Variants in GUCY1A2 observed in about 807,000 individuals in gnomAD.
The protein encoded by GUCY1A2 is guanylate cyclase soluble subunit alpha-2.
In GUCY1A2, 27 loss-of-function variants were observed where a neutral mutation model predicts 63.5. The observed-to-expected ratio is 0.43, with a 90% CI of 0.31 to 0.59. GUCY1A2 has a LOEUF of 0.59. GUCY1A2 is among the 20% of genes least tolerant of loss of function. The pLI is 0.11. For missense variants in GUCY1A2, 768 were observed against 913.3 expected (o/e 0.84, Z 2.05); for synonymous variants, 364 against 343.5 (o/e 1.06, Z -0.66).
At chr11:106,959,074 G>A (rs901697879) in intron 3 of GUCY1A2, among the ~76,000 whole-genome samples, 1 of 152,132 alleles carries the variant, frequency 6.6e-6, no homozygotes, top group African/African-American at 2.4e-5. Flanking sequence ...CATGCCAAGC[G>A]GAGCAACTAT....
At chr11:106,714,130 T>C (rs981859455) in intron 6 of GUCY1A2, among the ~76,000 whole-genome samples, 3 of 152,008 alleles carry the variant, frequency 2.0e-5, no homozygotes, top group African/African-American at 7.2e-5. Context: ...TTCAGCCTAA[T>C]TTTTAGAATT....
intron 3 of GUCY1A2, among the ~76,000 whole-genome samples, chr11:106,966,040 A>G (rs1861122681): frequency 6.6e-6 from 1 of 152,090 alleles, no homozygotes; most frequent in Non-Finnish European, 1.5e-5. Context: ...ATTTAAGAAT[A>G]TTATCGTTAA....
chr11:106,680,223 G>C lies in GUCY1A2; in HGVS notation c.*7326C>G, dbSNP rs905481155. 4.7e-6 allele frequency: 1 copy of C among 212,138 alleles called. No individual in the cohort carries two copies. The highest frequency in any genetic ancestry group is 2.3e-5 in the African/African-American group (1 of 44,140). 13.1% of individuals were successfully genotyped at this position (212,138 alleles called of 1,614,324 possible). On this transcript the variant is annotated 3_prime_UTR_variant, in exon 8 of 8. Coordinates refer to ENST00000526355, the MANE Select transcript of GUCY1A2 (RefSeq NM_000855.3). ...ATGCAAAGAAGTGTCTTCAGAAAGT[G>C]AGGTATGAAGAAACAATTTTGCACA...
intron 1 of GUCY1A2, among the ~76,000 whole-genome samples, chr11:106,997,619 C>CAAGATAGGGAA (rs1861556969): frequency 6.9e-4 from 2 of 2,900 alleles, no homozygotes; most frequent in Admixed American, 7.4e-3. Context: ...GATAGGGAAC[C>CAAGATAGGGAA]CCCCCCCCCC....
intron 6 of GUCY1A2, among the ~76,000 whole-genome samples, chr11:106,768,265 G>T (rs1591268293): frequency 6.6e-6 from 1 of 152,034 alleles, no homozygotes; most frequent in Admixed American, 6.6e-5. Flanking sequence ...TGGGACTACA[G>T]GTATGCCCCC....
chr11:106,946,990 G>C (rs533825812), intron 3 of GUCY1A2, among the ~76,000 whole-genome samples: 1 of 152,022 alleles, frequency 6.6e-6, no homozygotes, highest in Non-Finnish European at 1.5e-5. Context: ...AGGCCGAGGC[G>C]GGTGGATAAT....
intron 4 of GUCY1A2, among the ~76,000 whole-genome samples, chr11:106,915,641 C>T (rs1307833130): frequency 6.9e-6 from 1 of 145,022 alleles, no homozygotes; most frequent in African/African-American, 2.5e-5. Context: ...GCTGTAAATT[C>T]AGTAGTCACT....
At chr11:106,688,704 A>T (rs1049161309) in intron 7 of GUCY1A2, among the ~76,000 whole-genome samples, 3 of 152,324 alleles carry the variant, frequency 2.0e-5, no homozygotes, top group South Asian at 2.1e-4. Context: ...CCATCAGAAA[A>T]GTAGACACGA....
At chr11:106,744,244 C>CTTT (rs5794491) in intron 6 of GUCY1A2, among the ~76,000 whole-genome samples, 57 of 112,654 alleles carry the variant, frequency 5.1e-4, no homozygotes, top group African/African-American at 8.6e-4. Flanking sequence ...AACATAAATG[C>CTTT]TTTTTTTTTT....
intron 4 of GUCY1A2, among the ~76,000 whole-genome samples, chr11:106,823,171 G>A (rs1228138263): frequency 2.6e-5 from 4 of 152,058 alleles, no homozygotes; most frequent in Admixed American, 6.6e-5. Flanking sequence ...TGAGGATTGG[G>A]CTTCTGGTGT....
intron 4 of GUCY1A2, among the ~76,000 whole-genome samples, chr11:106,864,813 T>A (rs745593337): frequency 1.9e-4 from 29 of 152,090 alleles, no homozygotes; most frequent in Non-Finnish European, 3.1e-4. Context: ...CTGGATTCGG[T>A]TTGCCAGTAT....
intron 6 of GUCY1A2, among the ~76,000 whole-genome samples, chr11:106,731,798 T>C (rs565200807): frequency 6.6e-6 from 1 of 151,730 alleles, no homozygotes; most frequent in Admixed American, 6.6e-5. Flanking sequence ...AGCCACCAAA[T>C]AAATAAATAA....
At chr11:106,791,700 CT>C (rs1419714867) in intron 5 of GUCY1A2, among the ~76,000 whole-genome samples, 3 of 152,274 alleles carry the variant, frequency 2.0e-5, no homozygotes, top group South Asian at 4.1e-4. Context: ...AAGGCCTCCC[CT>C]AGTCCCTCTT....
At chr11:106,819,071 C>T (rs561249609) in intron 4 of GUCY1A2, among the ~76,000 whole-genome samples, 124 of 152,202 alleles carry the variant, frequency 8.1e-4, no homozygotes, top group African/African-American at 2.9e-3. Flanking sequence ...GGTATCACTG[C>T]AGATATAGTA....
chr11:106,710,075 ATAGT>A (rs1468794263), intron 6 of GUCY1A2, among the ~76,000 whole-genome samples: 5 of 116,824 alleles, frequency 4.3e-5, no homozygotes, highest in Non-Finnish European at 8.1e-5. Context: ...TATATAATAT[ATAGT>A]TATATATAAT....
chr11:106,928,852 T>C (rs1352759441), intron 4 of GUCY1A2, among the ~76,000 whole-genome samples: 1 of 152,224 alleles, frequency 6.6e-6, no homozygotes, highest in Non-Finnish European at 1.5e-5. Context: ...CTGTCATATA[T>C]GCAGTCAATC....
chr11:106,845,276 G>A (rs1859255111), intron 4 of GUCY1A2, among the ~76,000 whole-genome samples: 1 of 149,928 alleles, frequency 6.7e-6, no homozygotes, highest in South Asian at 2.1e-4. Context: ...AATCCCTGCG[G>A]CCGATTAAAA....
intron 4 of GUCY1A2, among the ~76,000 whole-genome samples, chr11:106,924,719 T>C (rs778796192): frequency 1.1e-4 from 16 of 152,112 alleles, no homozygotes; most frequent in Non-Finnish European, 4.4e-5. Context: ...CAAATACACA[T>C]CATCGCCCAG....
rs1862533274 is a variant in GUCY1A2 at position 106,686,781 on chromosome 11, A to T, written c.*768T>A. On this transcript the variant is annotated 3_prime_UTR_variant, in exon 8 of 8. Coordinates refer to ENST00000526355, the MANE Select transcript of GUCY1A2 (RefSeq NM_000855.3). Reference sequence around the variant, plus strand: ...GGAAATTCCATTTCCTCTGGATTCCATGCTACATTAGTTAAATCTAAAAGA... The same window carrying T: ...GGAAATTCCATTTCCTCTGGATTCCTTGCTACATTAGTTAAATCTAAAAGA... 1 of 200,116 alleles carries T rather than the reference A, an allele frequency of 5.0e-6. No homozygotes were observed. The highest frequency in any genetic ancestry group is 2.3e-5 in the African/African-American group (1 of 43,528). 12.4% of individuals were successfully genotyped at this position (200,116 alleles called of 1,614,324 possible). A position where few individuals can be genotyped will look rare whatever the true frequency, so the allele number is the denominator to read the frequency against.
Sources: gnomAD v4.1 joint callset for allele counts (sites outside exome capture counted in the v4.1 genomes callset) on GRCh38, gnomAD v4.1.1 for gene constraint, MANE v1.5 for transcripts, NCBI Gene and HGNC (gene_info 2026-07-23, HGNC 2026-07-21) for gene names.